The following CBLB variants were observed in gnomAD, a reference collection of about 807,000 sequenced individuals.
The protein encoded by CBLB is Cbl proto-oncogene B.
In CBLB, 31 loss-of-function variants were observed where a neutral mutation model predicts 104.9. That is an observed-to-expected ratio of 0.30 (90% CI 0.22 to 0.40). CBLB has a LOEUF of 0.40. Ranked by LOEUF, CBLB falls within the 10% of genes least tolerant of loss-of-function variation. CBLB has a pLI of 1.00. For missense variants in CBLB, 1,062 were observed against 1,214.6 expected, an observed-to-expected ratio of 0.87 and a Z score of 1.87; for synonymous variants, 440 against 422.6, an observed-to-expected ratio of 1.04 and a Z score of -0.51.
chr3:105,660,080 C>G (rs921399379), intron 18 of CBLB, among the ~76,000 whole-genome samples: 1 of 152,066 alleles, frequency 6.6e-6, no homozygotes, highest in African/African-American at 2.4e-5. Flanking sequence ...AGAAAAGGTC[C>G]CAGGTCATGG....
intron 4 of CBLB, 51 bp downstream of exon 4, chr3:105,776,345 C>T: frequency 6.6e-7 from 1 of 1,514,790 alleles, no homozygotes. Context: ...AGGGAGGATA[C>T]AGTAACCCTT....
chr3:105,740,464 A>G (rs1160677731), intron 7 of CBLB, 30 bp downstream of exon 7: 2 of 1,612,662 alleles, frequency 1.2e-6, no homozygotes, highest in East Asian at 4.5e-5. Flanking sequence ...ATGAATCATA[A>G]GCACTCCAAC....
chr3:105,734,044 G>A lies in CBLB; in HGVS notation c.1168C>T (p.His390Tyr). 6.2e-7 allele frequency: 1 copy of A among 1,613,958 alleles called. No individual in the cohort carries two copies. The part of the protein sequence containing the change: ...DKDVKIEPCG[H>Y]LMCTSCLTAW... ...GTAAGGCAAGAGGTGCACATCAAAT[G>A]CCCACAAGGCTCAATCTTGACATCT... The change falls in exon 9 of 19, where the codon CAT becomes TAT. Residue 390 changes from histidine to tyrosine, a missense_variant. Physicochemically the swap from His to Tyr is moderately conservative, Grantham distance 83. Around this residue, in one of 2 missense-constraint regions of CBLB, gnomAD observed 457 missense variants for 632.0 expected, o/e 0.72. Transcript: ENST00000394030.
In CBLB at chr3:105,734,289, A is replaced by C. The variant is rs139098932; in HGVS notation, c.1072-149T>G. On this transcript the variant is annotated intron_variant, in intron 8 of 18. Coordinates refer to ENST00000394030, the MANE Select transcript of CBLB (RefSeq NM_170662.5). Reference sequence around the variant, plus strand: ...TGTTACCATTTGAGACATGTTTTGAATTGATAATCACAATTTGGTCTACAA... The same window carrying C: ...TGTTACCATTTGAGACATGTTTTGACTTGATAATCACAATTTGGTCTACAA... The C allele has an allele frequency of 8.8e-4, 694 of 785,808 alleles. 2 individuals carry two copies. In the African/African-American group the frequency reaches 0.011, roughly 12 times the overall value. 48.7% of individuals were successfully genotyped at this position (785,808 alleles called of 1,614,324 possible).
chr3:105,747,481 T>G lies in CBLB; in HGVS notation c.724-1443A>C, dbSNP rs564319686. ...TTAGTAATAATGAAGTTTTTTAGCC[T>G]TTTTCAACATAACAAGAAAAATCTT... is the stretch of plus-strand genomic sequence containing the variant. On this transcript the variant is annotated intron_variant, in intron 5 of 18. Transcript: ENST00000394030. Among the ~76,000 whole-genome samples the G allele has an allele frequency of 9.5e-4, 144 of 152,242 alleles. 1 individual carries two copies. Among genetic ancestry groups the G allele is most frequent in the African/African-American group, 3.4e-3 (143 of 41,562 alleles).
chr3:105,688,300 T>C (rs2067251862), intron 13 of CBLB, among the ~76,000 whole-genome samples: 1 of 152,030 alleles, frequency 6.6e-6, no homozygotes, highest in African/African-American at 2.4e-5. Context: ...AATACACTGG[T>C]AATACATAGG....
chr3:105,674,587 A>T (rs1246617962), intron 17 of CBLB, among the ~76,000 whole-genome samples: 1 of 152,242 alleles, frequency 6.6e-6, no homozygotes, highest in East Asian at 1.9e-4. Context: ...AGCAGGACTT[A>T]AATACAGTCT....
chr3:105,767,208 TA>T (rs2078319956), intron 4 of CBLB, among the ~76,000 whole-genome samples: 1 of 152,150 alleles, frequency 6.6e-6, no homozygotes, highest in Non-Finnish European at 1.5e-5. Flanking sequence ...ATTTTCATTG[TA>T]AAAACTCTTA....
intron 14 of CBLB, among the ~76,000 whole-genome samples, chr3:105,683,558 T>C (rs1204060020): frequency 6.6e-6 from 1 of 151,926 alleles, no homozygotes; most frequent in South Asian, 2.1e-4. Flanking sequence ...TATCCAGCAA[T>C]GAAAAAAAAT....
At chr3:105,766,609 C>T (rs2078252996) in intron 4 of CBLB, among the ~76,000 whole-genome samples, 1 of 152,100 alleles carries the variant, frequency 6.6e-6, no homozygotes, top group Non-Finnish European at 1.5e-5. Flanking sequence ...GAAGGCTCAG[C>T]TGATTGTTAG....
intron 4 of CBLB, chr3:105,762,168 G>A (rs2077707038): frequency 1.3e-5 from 2 of 152,146 alleles, no homozygotes; most frequent in Admixed American, 1.3e-4. Context: ...GATATGATAT[G>A]GAATTGGAAC....
chr3:105,736,317 T>C (rs16844736), intron 8 of CBLB, among the ~76,000 whole-genome samples: 11,212 of 152,240 alleles, frequency 0.074, 572 homozygotes, highest in East Asian at 0.29. Context: ...TTAAAAACTA[T>C]ACTCACATGT....
At chr3:105,810,874 C>A (rs969305002) in intron 3 of CBLB, among the ~76,000 whole-genome samples, 1 of 151,922 alleles carries the variant, frequency 6.6e-6, no homozygotes, top group Non-Finnish European at 1.5e-5. Context: ...AATTTTAGAC[C>A]GTAAGTACTT....
intron 13 of CBLB, among the ~76,000 whole-genome samples, chr3:105,692,759 T>C (rs1291196219): frequency 6.6e-6 from 1 of 151,492 alleles, no homozygotes; most frequent in African/African-American, 2.4e-5. Flanking sequence ...TCAGTTACAG[T>C]GAACAAAATA....
chr3:105,818,106 C>T (rs2085317849), intron 3 of CBLB, among the ~76,000 whole-genome samples: 1 of 152,006 alleles, frequency 6.6e-6, no homozygotes, highest in Non-Finnish European at 1.5e-5. Context: ...AAAAACACCA[C>T]AAATTTCATC....
chr3:105,711,674 CA>C (rs1325819750), intron 10 of CBLB, among the ~76,000 whole-genome samples: 5 of 152,058 alleles, frequency 3.3e-5, no homozygotes, highest in Non-Finnish European at 7.4e-5. Context: ...TCTCAACCTA[CA>C]ATAATTTGGG....
intron 3 of CBLB, among the ~76,000 whole-genome samples, chr3:105,850,168 G>A (rs924658708): frequency 3.3e-5 from 5 of 152,146 alleles, no homozygotes; most frequent in South Asian, 2.1e-4. Flanking sequence ...AGACGTCTAC[G>A]AGTATGTTTG....
chr3:105,789,185 A>T (rs1036189181), intron 3 of CBLB, among the ~76,000 whole-genome samples: 29 of 152,196 alleles, frequency 1.9e-4, no homozygotes, highest in African/African-American at 7.0e-4. Context: ...AATAATGTTA[A>T]TTGTTATTAG....
intron 10 of CBLB, among the ~76,000 whole-genome samples, chr3:105,708,039 C>G (rs1371558450): frequency 6.6e-6 from 1 of 152,098 alleles, no homozygotes; most frequent in Admixed American, 6.6e-5. Context: ...TCAAATGCCT[C>G]TATAGCTGGG....
Sources: allele counts gnomAD v4.1 joint callset (sites outside exome capture counted in the v4.1 genomes callset), GRCh38; gene constraint gnomAD v4.1.1; regional missense constraint gnomAD v4.1.1; transcripts MANE v1.5; gene names NCBI Gene and HGNC (gene_info 2026-07-23, HGNC 2026-07-21).